Variants in SPATS2L observed in about 807,000 individuals in gnomAD.
SPATS2L encodes spermatogenesis associated serine rich 2 like.
In SPATS2L, 30 loss-of-function variants were observed where a neutral mutation model predicts 59.6. That is an observed-to-expected ratio of 0.50 (90% CI 0.38 to 0.68). The LOEUF (loss-of-function observed/expected upper bound fraction) is 0.68. Ranked by LOEUF, SPATS2L falls within the 30% of genes least tolerant of loss-of-function variation. SPATS2L has a pLI of 0.00. For missense variants in SPATS2L, 615 were observed against 700.0 expected, an observed-to-expected ratio of 0.88 and a Z score of 1.37; for synonymous variants, 252 against 263.5, an observed-to-expected ratio of 0.96 and a Z score of 0.42.
At chr2:200,382,789 A>G (rs1018546826) in intron 2 of SPATS2L, among the ~76,000 whole-genome samples, 1 of 152,174 alleles carries the variant, frequency 6.6e-6, no homozygotes, top group African/African-American at 2.4e-5. Flanking sequence ...AAAAAAATGT[A>G]TGTCAAGCAC....
At chr2:200,354,682 C>T (rs190402924) in intron 2 of SPATS2L, among the ~76,000 whole-genome samples, 5 of 152,144 alleles carry the variant, frequency 3.3e-5, no homozygotes, top group African/African-American at 1.2e-4. Context: ...AAGCCCTCAC[C>T]ATTGCGAGAG....
At position 200,339,852 on chromosome 2, in the gene SPATS2L, G is replaced by C. The variant is rs189740413; in HGVS notation, c.-23+10372G>C. Among the ~76,000 whole-genome samples the C allele has an allele frequency of 2.9e-3, 439 of 152,260 alleles. 1 individual carries two copies. The highest frequency in any genetic ancestry group is 0.01 in the African/African-American group (423 of 41,544). The stretch of plus-strand genomic sequence containing the variant: ...AACGTTTGTGGCATGAAGAACTTCT[G>C]GGTTGAATGACAGTCCATAATTTTT... On this transcript the variant is annotated intron_variant, in intron 2 of 12. Coordinates refer to ENST00000409140, the MANE Select transcript of SPATS2L (RefSeq NM_001100423.2).
intron 2 of SPATS2L, among the ~76,000 whole-genome samples, chr2:200,332,111 T>C (rs1326080661): frequency 6.6e-6 from 1 of 152,056 alleles, no homozygotes. Flanking sequence ...TAGCCCTCAT[T>C]AAGAGGAAAA....
At chr2:200,306,265 G>A (rs2079007655), upstream of SPATS2L, 2 of 1,002,248 alleles carry the variant, frequency 2.0e-6, no homozygotes, top group Admixed American at 6.1e-5. Context: ...TGCAGACAGT[G>A]CTGAGGGAGC....
Position 200,478,109 on chromosome 2 carries a change from G to C in SPATS2L, c.*78G>C. ...GCTGACCCAATTCGCTGCCAAAAGA[G>C]TGTCAATCAGAATATACAAATCCCG... is the stretch of plus-strand genomic sequence containing the variant. On this transcript the variant is annotated 3_prime_UTR_variant, in exon 13 of 13. Coordinates refer to ENST00000409140, the MANE Select transcript of SPATS2L (RefSeq NM_001100423.2). 1 of 1,353,048 alleles carries C rather than the reference G, an allele frequency of 7.4e-7. No individual in the cohort carries two copies. The highest frequency in any genetic ancestry group is 1.0e-6 in the Non-Finnish European group (1 of 1,003,194). The allele number at this position is 1,353,048 out of a possible 1,614,324, so 83.8% of individuals were successfully genotyped here.
At chr2:200,375,496 G>T (rs2081568727) in intron 2 of SPATS2L, among the ~76,000 whole-genome samples, 1 of 152,152 alleles carries the variant, frequency 6.6e-6, no homozygotes, top group Admixed American at 6.5e-5. Context: ...GAAGGTTTGG[G>T]TGCTTATGAT....
At chr2:200,361,810 C>T (rs566540237) in intron 2 of SPATS2L, among the ~76,000 whole-genome samples, 62 of 152,266 alleles carry the variant, frequency 4.1e-4, no homozygotes, top group Non-Finnish European at 5.9e-4. Context: ...ATGTATTTAT[C>T]CCCAGTATTC....
intron 8 of SPATS2L, among the ~76,000 whole-genome samples, chr2:200,453,810 G>C (rs2085641445): frequency 6.6e-6 from 1 of 152,326 alleles, no homozygotes; most frequent in South Asian, 2.1e-4. Flanking sequence ...TTTAGTGAAA[G>C]AAATGGAAAT....
In SPATS2L at chr2:200,477,515, T is replaced by TAAAAAAAAAAAAAAAAAAAAA. The variant is rs59073895; in HGVS notation, c.1282-118_1282-98dup. ...CATGTTTTCTGATTCTTCTGGTGTATAAAAAAAAAAAAAAAAAAAAAAAGC... is the reference window on the plus strand; with the variant it reads ...CATGTTTTCTGATTCTTCTGGTGTATAAAAAAAAAAAAAAAAAAAAAAAAAAAAAAAAAAAAAAAAAAAAGC... On this transcript the variant is annotated intron_variant, in intron 12 of 12. Transcript: ENST00000409140. 1.1e-4 allele frequency: 33 copies of TAAAAAAAAAAAAAAAAAAAAA among 302,688 alleles called. 3 individuals carry two copies. In the African/African-American group the frequency reaches 1.1e-3, roughly 10 times the overall value. The allele number at this position is 302,688 out of a possible 1,614,324, so 18.8% of individuals were successfully genotyped here. A position where few individuals can be genotyped will look rare whatever the true frequency, so the allele number is the denominator to read the frequency against.
At chr2:200,420,766 A>T (rs564050837) in intron 6 of SPATS2L, among the ~76,000 whole-genome samples, 19 of 152,092 alleles carry the variant, frequency 1.2e-4, no homozygotes, top group South Asian at 2.1e-4. Context: ...TTATATATAT[A>T]TTTTTTTAAA....
At chr2:200,452,635 T>C (rs895773532) in intron 8 of SPATS2L, among the ~76,000 whole-genome samples, 57 of 152,200 alleles carry the variant, frequency 3.7e-4, no homozygotes, top group African/African-American at 1.2e-3. Context: ...TGATTGGCAA[T>C]TGAGTGTAGT....
At chr2:200,327,004 C>T (rs1225891048) in intron 1 of SPATS2L, among the ~76,000 whole-genome samples, 1 of 150,824 alleles carries the variant, frequency 6.6e-6, no homozygotes, top group Admixed American at 6.6e-5. Flanking sequence ...GCCTCGGCCT[C>T]CCAAAATGCT....
intron 3 of SPATS2L, among the ~76,000 whole-genome samples, chr2:200,397,081 G>A (rs979034004): frequency 3.9e-5 from 6 of 152,202 alleles, no homozygotes; most frequent in Non-Finnish European, 7.3e-5. Flanking sequence ...TGTAGGATTA[G>A]CATCGCATTG....
chr2:200,466,292 A>G (rs960266780), intron 9 of SPATS2L, among the ~76,000 whole-genome samples: 1 of 152,046 alleles, frequency 6.6e-6, no homozygotes, highest in African/African-American at 2.4e-5. Flanking sequence ...GTCATCTTAG[A>G]TGAATACCTT....
At chr2:200,403,455 A>C (rs181709698) in intron 3 of SPATS2L, among the ~76,000 whole-genome samples, 94 of 152,348 alleles carry the variant, frequency 6.2e-4, no homozygotes, top group Non-Finnish European at 4.4e-5. Context: ...AGCAAGCAGC[A>C]CTGGGACCAC....
At chr2:200,476,519 G>T (rs1163336786) in intron 12 of SPATS2L, among the ~76,000 whole-genome samples, 1 of 152,236 alleles carries the variant, frequency 6.6e-6, no homozygotes, top group Non-Finnish European at 1.5e-5. Flanking sequence ...TGCAACAGGG[G>T]TGCCTCACTT....
intron 3 of SPATS2L, among the ~76,000 whole-genome samples, chr2:200,405,611 ATAT>A (rs1342501976): frequency 6.6e-6 from 1 of 151,776 alleles, no homozygotes; most frequent in Non-Finnish European, 1.5e-5. Context: ...TGTGTAGATA[ATAT>A]TAGTGGCCCA....
chr2:200,470,265 A>G (rs1234831392), intron 11 of SPATS2L, among the ~76,000 whole-genome samples: 1 of 152,204 alleles, frequency 6.6e-6, no homozygotes, highest in Non-Finnish European at 1.5e-5. Context: ...CAACTAGTTG[A>G]TACCTTTTGC....
intron 2 of SPATS2L, among the ~76,000 whole-genome samples, chr2:200,359,762 A>G (rs916938662): frequency 1.3e-5 from 2 of 152,172 alleles, no homozygotes; most frequent in South Asian, 4.1e-4. Flanking sequence ...ATTTCAACAC[A>G]TATACACTGA....
Sources: gnomAD v4.1 joint callset for allele counts (sites outside exome capture counted in the v4.1 genomes callset) on GRCh38, gnomAD v4.1.1 for gene constraint, MANE v1.5 for transcripts, NCBI Gene and HGNC (gene_info 2026-07-23, HGNC 2026-07-21) for gene names.